The following KCTD15 variants were observed in gnomAD, a reference collection of about 807,000 sequenced individuals.
The protein encoded by KCTD15 is potassium channel tetramerization domain containing 15, also known as BTB/POZ domain-containing protein KCTD15.
Under a neutral mutation model 27.2 loss-of-function variants are expected in KCTD15, and 11 were observed. The ratio of observed to expected loss-of-function variants is 0.41; its 90% CI spans 0.25 to 0.67. The LOEUF is 0.67. KCTD15 is among the 30% of genes least tolerant of loss of function. KCTD15 has a pLI of 0.35. For synonymous variants in KCTD15, 163 were observed against 176.0 expected (o/e 0.93, Z 0.58); for missense variants, 350 against 409.3 (o/e 0.86, Z 1.25).
intron 5 of KCTD15, among the ~76,000 whole-genome samples, chr19:33,809,303 T>C (rs1413879698): frequency 3.9e-5 from 6 of 152,016 alleles, no homozygotes; most frequent in African/African-American, 1.4e-4. Flanking sequence ...ACTTTTAAAG[T>C]TTTTTAAGAG....
At chr19:33,806,155 T>G (rs1375483441) in intron 4 of KCTD15, among the ~76,000 whole-genome samples, 1 of 152,256 alleles carries the variant, frequency 6.6e-6, no homozygotes, top group Non-Finnish European at 1.5e-5. Flanking sequence ...GTTGCATGTG[T>G]GTGCTGTGGC....
chr19:33,800,193 G>A (rs1222619569), intron 2 of KCTD15, among the ~76,000 whole-genome samples: 2 of 152,184 alleles, frequency 1.3e-5, no homozygotes, highest in Non-Finnish European at 2.9e-5. Context: ...ACATGTGTGA[G>A]TGTGACTGTG....
In KCTD15 at chr19:33,803,914, G is replaced by A. The variant is rs866140224; in HGVS notation, c.242+2572G>A. 5.4e-4 allele frequency among the ~76,000 whole-genome samples: 82 copies of A among 152,244 alleles called. 1 individual carries two copies. Among genetic ancestry groups the A allele is most frequent in the Admixed American group, 1.1e-3 (17 of 15,288 alleles). ...TGCTCCCCCTTGTGCACACAGGGCA[G>A]GTGGTTGGAGGCATCTTTTCTGCCC... On this transcript the variant is annotated intron_variant, in intron 4 of 6. Transcript: ENST00000683859.
At chr19:33,802,567 G>A (rs1975592110) in intron 4 of KCTD15, among the ~76,000 whole-genome samples, 1 of 152,164 alleles carries the variant, frequency 6.6e-6, no homozygotes, top group East Asian at 1.9e-4. Context: ...TGGTGTTCCA[G>A]TACCCCAGGT....
At chr19:33,812,158 G>A (rs998054272) in intron 6 of KCTD15, 5 of 1,188,840 alleles carry the variant, frequency 4.2e-6, no homozygotes, top group South Asian at 3.0e-5. Context: ...ACAGCCTGTC[G>A]GTCAGAACTT....
chr19:33,795,998 C>G (rs1182796600), upstream of KCTD15: 2 of 152,100 alleles, frequency 1.3e-5, no homozygotes, highest in Non-Finnish European at 2.9e-5. Flanking sequence ...CGGCTCCGCT[C>G]CAGCCCCGAC....
At chr19:33,794,969 G>C (rs1975271842), upstream of KCTD15, among the ~76,000 whole-genome samples, 1 of 152,348 alleles carries the variant, frequency 6.6e-6, no homozygotes, top group Non-Finnish European at 1.5e-5. Context: ...GGGGCGTAGG[G>C]AGCAGAGTGG....
chr19:33,808,074 C>T (rs1399419630), intron 5 of KCTD15, among the ~76,000 whole-genome samples: 1 of 152,240 alleles, frequency 6.6e-6, no homozygotes, highest in Non-Finnish European at 1.5e-5. Context: ...GGCAGGTGAC[C>T]TGGTTCCCTG....
At chr19:33,795,553 C>T (rs1975295046), upstream of KCTD15, among the ~76,000 whole-genome samples, 1 of 151,964 alleles carries the variant, frequency 6.6e-6, no homozygotes, top group Non-Finnish European at 1.5e-5. Context: ...CCCAGCCGGT[C>T]TCCGGCCCGG....
At chr19:33,801,074 C>T in intron 3 of KCTD15, 93 bp from the exon 4 acceptor site, 1 of 1,218,116 alleles carries the variant, frequency 8.2e-7, no homozygotes, top group South Asian at 1.5e-5. Flanking sequence ...TCTGTGATCA[C>T]ACTCTCAATA....
intron 5 of KCTD15, among the ~76,000 whole-genome samples, chr19:33,810,075 C>T (rs938582838): frequency 1.3e-5 from 2 of 152,160 alleles, no homozygotes; most frequent in Non-Finnish European, 2.9e-5. Flanking sequence ...GGTCAGGGGG[C>T]TGGGCTTCCT....
rs1555729270 is a variant in KCTD15 at position 33,800,507 on chromosome 19, G to C, written c.53G>C (p.Ser18Thr). The change falls in exon 3 of 7, where the codon AGC (serine) becomes ACC (threonine). Residue 18 changes from serine to threonine, a missense_variant. Ser to Thr is a moderately conservative substitution (Grantham distance 58). Coordinates refer to ENST00000683859, the MANE Select transcript of KCTD15 (RefSeq NM_001129994.2). ...PSGSSLHTHGSTGTAEGGNMS... is the reference protein window; with the variant it reads ...PSGSSLHTHGTTGTAEGGNMS... ...GGGTCCTCGCTTCACACACACGGCA[G>C]CACCGGCACCGCGGTGAGCCTGCAG... 1 of 1,599,100 alleles carries C rather than the reference G, an allele frequency of 6.3e-7. No homozygotes were observed.
Position 33,801,238 on chromosome 19 carries a change from C to G in KCTD15, c.138C>G (p.Pro46=). ...PVSPLAAQGI[P]LPAQLTKSNA... is the part of the protein sequence containing the mutation. ...CTCCCCTGGCTGCCCAGGGCATCCC[C>G]CTGCCAGCCCAGCTCACCAAGTCCA... The change falls in exon 4 of 7, where the codon CCC becomes CCG. Residue 46 remains proline (P), a synonymous_variant. Transcript: ENST00000683859. 2 of 1,613,528 alleles carry G rather than the reference C, an allele frequency of 1.2e-6. No homozygotes were observed. The highest frequency in any genetic ancestry group is 1.7e-6 in the Non-Finnish European group (2 of 1,179,852).
intron 6 of KCTD15, chr19:33,812,530 C>T (rs972333057): frequency 3.3e-5 from 41 of 1,250,034 alleles, no homozygotes; most frequent in Middle Eastern, 3.0e-4. Context: ...GCCCTGAGGG[C>T]AGCAGGATGG....
intron 5 of KCTD15, among the ~76,000 whole-genome samples, chr19:33,808,215 A>G (rs1975774087): frequency 1.3e-5 from 2 of 152,176 alleles, no homozygotes; most frequent in African/African-American, 4.8e-5. Context: ...TCCTTCCTCT[A>G]TCCAGAGGAC....
At chr19:33,812,415 A>C (rs1225788518) in intron 6 of KCTD15, 3 of 1,052,878 alleles carry the variant, frequency 2.8e-6, no homozygotes, top group Middle Eastern at 4.4e-4. Flanking sequence ...TTGGGGCAGG[A>C]CTCAGGGAGG....
At chr19:33,811,845 A>G in intron 6 of KCTD15, 8 of 1,605,244 alleles carry the variant, frequency 5.0e-6, no homozygotes, top group Non-Finnish European at 6.8e-6. Flanking sequence ...TTCATTTGAC[A>G]CCCAGAGTCT....
At position 33,813,220 on chromosome 19, in the gene KCTD15, G is replaced by A. The variant is rs936331842; in HGVS notation, c.*272G>A. 11 of 639,636 alleles carry A rather than the reference G, an allele frequency of 1.7e-5. No individual in the cohort carries two copies. Among genetic ancestry groups the A allele is most frequent in the African/African-American group, 7.2e-5 (4 of 55,584 alleles). The allele number at this position is 639,636 out of a possible 1,614,324, so 39.6% of individuals were successfully genotyped here. On this transcript the variant is annotated 3_prime_UTR_variant, in exon 7 of 7. Transcript: ENST00000683859. The stretch of plus-strand genomic sequence containing the variant: ...CAGCCCCTCAGCTTCGCAGCCTGGC[G>A]CAGCATCCTCTGAGGCCCCGGGGCC...
At chr19:33,801,140 T>TG in intron 3 of KCTD15, 27 bp from the exon 4 acceptor site, 1 of 1,563,556 alleles carries the variant, frequency 6.4e-7, no homozygotes, top group Non-Finnish European at 8.7e-7. Context: ...TTGAAACTCT[T>TG]GTGTTCCGCT....
Sources: allele counts gnomAD v4.1 joint callset (sites outside exome capture counted in the v4.1 genomes callset), GRCh38; gene constraint gnomAD v4.1.1; transcripts MANE v1.5; gene names NCBI Gene and HGNC (gene_info 2026-07-23, HGNC 2026-07-21).